Variants in PBX1 observed in about 807,000 individuals in gnomAD.
PBX1 encodes the protein PBX homeobox 1.
Under a neutral mutation model 53.4 loss-of-function variants are expected in PBX1, and 6 were observed. The observed-to-expected ratio is 0.11, with a 90% CI of 0.06 to 0.22. PBX1 has a LOEUF of 0.22. Among genes scored for constraint, PBX1 ranks in the 10% least tolerant of loss-of-function variants. PBX1 has a pLI of 1.00. For missense variants in PBX1, 251 were observed against 551.4 expected, an observed-to-expected ratio of 0.46 and a Z score of 5.46; for synonymous variants, 204 against 212.3, an observed-to-expected ratio of 0.96 and a Z score of 0.34.
intron 2 of PBX1, among the ~76,000 whole-genome samples, chr1:164,574,621 G>T (rs1006161371): frequency 1.3e-5 from 2 of 152,124 alleles, no homozygotes; most frequent in Non-Finnish European, 2.9e-5. Context: ...TGGTGTTAAC[G>T]TTACCCTCCA....
intron 8 of PBX1, among the ~76,000 whole-genome samples, chr1:164,841,861 G>C (rs767187753): frequency 6.6e-6 from 1 of 152,096 alleles, no homozygotes; most frequent in Non-Finnish European, 1.5e-5. Flanking sequence ...GCTGGAGCAC[G>C]TGCAGCTCCT....
chr1:164,562,498 G>A lies in PBX1; in HGVS notation c.192-740G>A, dbSNP rs868464528. Reference sequence around the variant, plus strand: ...ACACACACACACACACACACACCAGGTAAATCACTAATCTAAAAGACAAAA... The same window carrying A: ...ACACACACACACACACACACACCAGATAAATCACTAATCTAAAAGACAAAA... On this transcript the variant is annotated intron_variant, in intron 1 of 8. Coordinates refer to ENST00000420696, the MANE Select transcript of PBX1 (RefSeq NM_002585.4). Among the ~76,000 whole-genome samples, 223 of 121,348 alleles carry A rather than the reference G, an allele frequency of 1.8e-3. No individual in the cohort carries two copies. In the Middle Eastern group the frequency reaches 0.021, roughly 12 times the overall value. 79.6% of individuals were successfully genotyped at this position (121,348 alleles called of 152,430 possible). A position where few individuals can be genotyped will look rare whatever the true frequency, so the allele number is the denominator to read the frequency against.
At chr1:164,807,719 G>A in intron 5 of PBX1, 42 bp downstream of exon 5, 1 of 1,606,610 alleles carries the variant, frequency 6.2e-7, no homozygotes, top group Non-Finnish European at 8.5e-7. Flanking sequence ...GCCTGGCCAT[G>A]GCGGGGCCTC....
At chr1:164,802,209 C>A (rs1389949054) in intron 4 of PBX1, among the ~76,000 whole-genome samples, 2 of 152,230 alleles carry the variant, frequency 1.3e-5, no homozygotes, top group Non-Finnish European at 2.9e-5. Context: ...CAGATTACCA[C>A]AAATTAAGCA....
chr1:164,755,604 G>A (rs1666468804), intron 2 of PBX1, among the ~76,000 whole-genome samples: 1 of 151,926 alleles, frequency 6.6e-6, no homozygotes, highest in South Asian at 2.1e-4. Context: ...ACGATAATAA[G>A]TAGAAGCCTG....
intron 2 of PBX1, among the ~76,000 whole-genome samples, chr1:164,742,829 G>A (rs1315082413): frequency 6.6e-6 from 1 of 152,186 alleles, no homozygotes; most frequent in African/African-American, 2.4e-5. Flanking sequence ...ACAGAATGAG[G>A]TTAATAGTCC....
rs190278536 is a variant in PBX1 at position 164,655,369 on chromosome 1, T to G, written c.265+92058T>G. 5.3e-5 allele frequency among the ~76,000 whole-genome samples: 8 copies of G among 152,236 alleles called. No individual in the cohort carries two copies. The East Asian group carries it at 1.5e-3, about 29-fold the overall frequency. On this transcript the variant is annotated intron_variant, in intron 2 of 8. Coordinates refer to ENST00000420696, the MANE Select transcript of PBX1 (RefSeq NM_002585.4). ...CTCAGGTGATTTGCCCACCTCAGCC[T>G]CCCAAAGTGCTGGGATTATAGGAGT...
intron 8 of PBX1, among the ~76,000 whole-genome samples, chr1:164,826,546 A>C (rs768837559): frequency 6.6e-6 from 1 of 152,054 alleles, no homozygotes; most frequent in Non-Finnish European, 1.5e-5. Context: ...CCGGGATTAC[A>C]GGTTTGCACC....
intron 2 of PBX1, among the ~76,000 whole-genome samples, chr1:164,582,836 A>G (rs1297891072): frequency 6.6e-6 from 1 of 152,236 alleles, no homozygotes; most frequent in African/African-American, 2.4e-5. Context: ...ACCCATCCAC[A>G]GCACTCATCA....
chr1:164,711,255 A>G (rs928772504), intron 2 of PBX1, among the ~76,000 whole-genome samples: 1 of 152,012 alleles, frequency 6.6e-6, no homozygotes, highest in African/African-American at 2.4e-5. Context: ...CAAAACTTCA[A>G]TCATCAGTCT....
chr1:164,745,177 A>C (rs2102177568), intron 2 of PBX1, among the ~76,000 whole-genome samples: 1 of 152,250 alleles, frequency 6.6e-6, no homozygotes, highest in African/African-American at 2.4e-5. Flanking sequence ...CAAAGCAGGA[A>C]GTTTAGACTA....
At chr1:164,580,031 C>G (rs1277641220) in intron 2 of PBX1, among the ~76,000 whole-genome samples, 1 of 150,854 alleles carries the variant, frequency 6.6e-6, no homozygotes, top group Non-Finnish European at 1.5e-5. Context: ...AATATTCATT[C>G]CCATTGAGTG....
chr1:164,718,472 T>C (rs1270354649), intron 2 of PBX1, among the ~76,000 whole-genome samples: 1 of 152,202 alleles, frequency 6.6e-6, no homozygotes, highest in Admixed American at 6.5e-5. Flanking sequence ...CTGGTACATA[T>C]AGGCTCATGA....
chr1:164,773,874 A>G (rs1001185166), intron 2 of PBX1, among the ~76,000 whole-genome samples: 1 of 152,208 alleles, frequency 6.6e-6, no homozygotes, highest in Admixed American at 6.5e-5. Flanking sequence ...TTGCAGTGTT[A>G]ACGCAGTGGA....
intron 8 of PBX1, among the ~76,000 whole-genome samples, chr1:164,844,111 C>CTTTTTTTTTTTTTTTT (rs1252672438): frequency 8.3e-6 from 1 of 119,932 alleles, no homozygotes; most frequent in African/African-American, 3.3e-5. Context: ...TTCTTTCTTT[C>CTTTTTTTTTTTTTTTT]TTTCTTTTTT....
At chr1:164,722,968 A>G (rs1055150453) in intron 2 of PBX1, among the ~76,000 whole-genome samples, 1 of 152,148 alleles carries the variant, frequency 6.6e-6, no homozygotes, top group African/African-American at 2.4e-5. Flanking sequence ...CATCAGATGT[A>G]TCTTAGGGTC....
chr1:164,688,962 A>G (rs1446163579), intron 2 of PBX1, among the ~76,000 whole-genome samples: 2 of 152,342 alleles, frequency 1.3e-5, no homozygotes, highest in East Asian at 3.9e-4. Context: ...TCAGCCAAAG[A>G]AGACCTGTGT....
chr1:164,585,158 C>T (rs1465419825), intron 2 of PBX1, among the ~76,000 whole-genome samples: 1 of 152,188 alleles, frequency 6.6e-6, no homozygotes, highest in Non-Finnish European at 1.5e-5. Context: ...ACTCCTCACT[C>T]CTTCCCCAAC....
At chr1:164,857,383 T>G (rs1028236390) in intron 2 of PBX1, among the ~76,000 whole-genome samples, 3 of 148,532 alleles carry the variant, frequency 2.0e-5, no homozygotes, top group African/African-American at 5.0e-5. Flanking sequence ...GGAGTTGGGG[T>G]GTGCCACCCT....
Sources: gnomAD v4.1 joint callset for allele counts (sites outside exome capture counted in the v4.1 genomes callset) on GRCh38, gnomAD v4.1.1 for gene constraint, MANE v1.5 for transcripts, NCBI Gene and HGNC (gene_info 2026-07-23, HGNC 2026-07-21) for gene names.